Variants in HAS3 observed in about 807,000 individuals in gnomAD.
The protein encoded by HAS3 is hyaluronan synthase 3.
HAS3 carries 27 observed loss-of-function variants against 50.3 expected under a neutral mutation model. The observed-to-expected ratio is 0.54, with a 90% confidence interval of 0.40 to 0.74. HAS3 has a LOEUF of 0.74. Among genes scored for constraint, HAS3 ranks in the 30% least tolerant of loss-of-function variants. HAS3 has a pLI of 0.00. For missense variants in HAS3, 517 were observed against 742.8 expected, an observed-to-expected ratio of 0.70 and a Z score of 3.53; for synonymous variants, 339 against 310.9, an observed-to-expected ratio of 1.09 and a Z score of -0.95.
chr16:69,089,548 G>C, the HAS3 span, among the ~76,000 whole-genome samples: 1 of 152,162 alleles, frequency 6.6e-6, no homozygotes, highest in African/African-American at 2.4e-5. Flanking sequence ...TGCAGTGCGC[G>C]GCACCTCTGC....
At chr16:69,088,004 C>T in the HAS3 span, among the ~76,000 whole-genome samples, 2 of 152,120 alleles carry the variant, frequency 1.3e-5, no homozygotes, top group South Asian at 4.2e-4. Flanking sequence ...GCACCCGGCC[C>T]TTGCTTCGTT....
In HAS3 at chr16:69,114,744, C is replaced by G. The variant is rs1269441102; in HGVS notation, c.1140C>G (p.Thr380=). ...LWFHKHHLWM[T]YESVVTGFFP... ...TCCATAAGCACCACCTCTGGATGAC[C>G]TACGAGTCAGTGGTCACGGGTTTCT... The change falls in exon 4 of 4, where the codon ACC becomes ACG. Residue 380 remains threonine, a synonymous_variant. Coordinates refer to ENST00000569188, the MANE Select transcript of HAS3 (RefSeq NM_001199280.2). This position sits in a 1 kb window ranked among gnomAD's most constrained non-coding sequence, Gnocchi z 6.4. 3.1e-6 allele frequency: 5 copies of G among 1,614,032 alleles called. No individual in the cohort carries two copies. In the Admixed American group the frequency reaches 6.7e-5, roughly 22 times the overall value.
In HAS3 at chr16:69,107,268, T is replaced by TG; in HGVS notation, c.-1+1486dup. The TG allele has an allele frequency of 1.2e-6, 1 of 810,352 alleles. No individual in the cohort carries two copies. The highest frequency in any genetic ancestry group is 1.4e-6 in the Non-Finnish European group (1 of 693,216). The allele number at this position is 810,352 out of a possible 1,614,324, so 50.2% of individuals were successfully genotyped here. Reference sequence around the variant, plus strand: ...CATTTTGGGGGCCTCTATTTGGGGGTGGGGGTAGTAACCTGGGTAATGCCT... The same window carrying TG: ...CATTTTGGGGGCCTCTATTTGGGGGTGGGGGGTAGTAACCTGGGTAATGCCT... On this transcript the variant is annotated intron_variant, in intron 1 of 3. Transcript: ENST00000569188. This position sits in a 1 kb window ranked among gnomAD's most constrained non-coding sequence, Gnocchi z 5.5.
Position 69,115,552 on chromosome 16 carries a change from G to C in HAS3, c.*286G>C. 1 of 1,138,510 alleles carries C rather than the reference G, an allele frequency of 8.8e-7. No homozygotes were observed. Among genetic ancestry groups the C allele is most frequent in the Non-Finnish European group, 1.1e-6 (1 of 927,282 alleles). The allele number at this position is 1,138,510 out of a possible 1,614,324, so 70.5% of individuals were successfully genotyped here. On this transcript the variant is annotated 3_prime_UTR_variant, in exon 4 of 4. Transcript: ENST00000569188. The stretch of plus-strand genomic sequence containing the variant: ...GGCAGTAGCCTCCTCCTGGGCTCCA[G>C]AGGGCACTCAGAAGTTGTGCTAAAC...
intron 3 of HAS3, 54 bp downstream of exon 3, chr16:69,113,596 T>C: frequency 2.0e-6 from 2 of 1,024,474 alleles, no homozygotes; most frequent in African/African-American, 1.6e-5. Context: ...TTTTTCCTAA[T>C]CCAATTGGAT....
At chr16:69,100,435 G>A in the HAS3 span, among the ~76,000 whole-genome samples, 1 of 152,212 alleles carries the variant, frequency 6.6e-6, no homozygotes, top group Admixed American at 6.5e-5. Context: ...AGTGGATGGG[G>A]ATGAAACTTG....
rs1960830870 is a variant in HAS3 at position 69,107,227 on chromosome 16, G to A, written c.-1+1440G>A. 1 of 566,532 alleles carries A rather than the reference G, an allele frequency of 1.8e-6. No individual in the cohort carries two copies. Among genetic ancestry groups the A allele is most frequent in the Non-Finnish European group, 2.2e-6 (1 of 447,208 alleles). 35.1% of individuals were successfully genotyped at this position (566,532 alleles called of 1,614,324 possible). On this transcript the variant is annotated intron_variant, in intron 1 of 3. Coordinates refer to ENST00000569188, the MANE Select transcript of HAS3 (RefSeq NM_001199280.2). This position sits in a 1 kb window ranked among gnomAD's most constrained non-coding sequence, Gnocchi z 5.5. The stretch of plus-strand genomic sequence containing the variant: ...GCACCAGCGCCTGATTGCACGTGGG[G>A]TATCTGGCTGAGGGACATTTTGGGG...
At position 69,115,370 on chromosome 16, in the gene HAS3, T is replaced by G; in HGVS notation, c.*104T>G. ...GGGAGGAGGGAGTGCTGTGTTTTAG[T>G]CTCTTAATGGTCCAAAGGACAAATC... On this transcript the variant is annotated 3_prime_UTR_variant, in exon 4 of 4. Transcript: ENST00000569188. 1.4e-6 allele frequency: 2 copies of G among 1,431,094 alleles called. No individual in the cohort carries two copies. The highest frequency in any genetic ancestry group is 1.8e-6 in the Non-Finnish European group (2 of 1,097,738). 88.6% of individuals were successfully genotyped at this position (1,431,094 alleles called of 1,614,324 possible).
At chr16:69,092,243 T>G in the HAS3 span, among the ~76,000 whole-genome samples, 83 of 152,338 alleles carry the variant, frequency 5.4e-4, 1 homozygote, top group Non-Finnish European at 1.0e-4. Flanking sequence ...CCCACCGTGC[T>G]TGCTGCTACC....
chr16:69,103,541 G>T (rs372224318), upstream of HAS3, among the ~76,000 whole-genome samples: 2 of 151,846 alleles, frequency 1.3e-5, no homozygotes, highest in Non-Finnish European at 2.9e-5. Context: ...GATTACAGGC[G>T]CCTGCCACCA....
chr16:69,097,447 CAAA>C, the HAS3 span, among the ~76,000 whole-genome samples: 2 of 138,216 alleles, frequency 1.4e-5, no homozygotes, highest in African/African-American at 5.3e-5. Context: ...ACTCTTTCTC[CAAA>C]AAAAAAAAAA....
intron 2 of HAS3, among the ~76,000 whole-genome samples, chr16:69,111,951 C>A (rs1961016749): frequency 6.6e-6 from 1 of 152,250 alleles, no homozygotes; most frequent in African/African-American, 2.4e-5. Context: ...TGTCTCTTTA[C>A]AGCCCTGGGA....
Position 69,109,089 on chromosome 16 carries a change from C to T in HAS3, c.1-307C>T, listed in dbSNP as rs1008281289. On this transcript the variant is annotated intron_variant, in intron 1 of 3. Transcript: ENST00000569188. The surrounding 1 kb of genome is among the most constrained non-coding windows in gnomAD (Gnocchi z 5.3). ...TGTCACGTGACCCTCTGGGCCTTGG[C>T]TTGTCTACCCCAGTGCTACACTAAG... Among the ~76,000 whole-genome samples, 3 of 152,192 alleles carry T rather than the reference C, an allele frequency of 2.0e-5. No homozygotes were observed. Among genetic ancestry groups the T allele is most frequent in the African/African-American group, 7.2e-5 (3 of 41,450 alleles).
In HAS3 at chr16:69,114,846, G is replaced by A; in HGVS notation, c.1242G>A (p.Leu414=). The change falls in exon 4 of 4, where the codon CTG becomes CTA. Residue 414 remains leucine (L), a synonymous_variant. Transcript: ENST00000569188. The surrounding 1 kb of genome is among the most constrained non-coding windows in gnomAD (Gnocchi z 6.4). ...GRIWNILLFL[L]TVQLVGIIKA... Reference sequence around the variant, plus strand: ...TCTGGAACATTCTCCTCTTCCTGCTGACGGTGCAGCTGGTGGGCATTATCA... The same window carrying A: ...TCTGGAACATTCTCCTCTTCCTGCTAACGGTGCAGCTGGTGGGCATTATCA... 6.2e-7 allele frequency: 1 copy of A among 1,614,074 alleles called. No homozygotes were observed. The highest frequency in any genetic ancestry group is 8.5e-7 in the Non-Finnish European group (1 of 1,180,028).
At chr16:69,118,413 C>A, downstream of HAS3, 1 of 1,613,570 alleles carries the variant, frequency 6.2e-7, no homozygotes, top group Non-Finnish European at 8.5e-7. Context: ...CAGGTCAGAG[C>A]TACGGAAGCA....
chr16:69,117,429 C>A lies in HAS3; in HGVS notation c.*2163C>A. 2 of 985,806 alleles carry A rather than the reference C, an allele frequency of 2.0e-6. No individual in the cohort carries two copies. The highest frequency in any genetic ancestry group is 2.4e-6 in the Non-Finnish European group (2 of 829,892). The allele number at this position is 985,806 out of a possible 1,614,324, so 61.1% of individuals were successfully genotyped here. A position where few individuals can be genotyped will look rare whatever the true frequency, so the allele number is the denominator to read the frequency against. On this transcript the variant is annotated 3_prime_UTR_variant, in exon 4 of 4. Transcript: ENST00000569188. ...TTTGTACATTTTTCAGCAGCAAAAC[C>A]AAACTGGGTCTTCAGCTTTATCCCC...
chr16:69,116,376 C>T lies in HAS3; in HGVS notation c.*1110C>T. On this transcript the variant is annotated 3_prime_UTR_variant, in exon 4 of 4. Coordinates refer to ENST00000569188, the MANE Select transcript of HAS3 (RefSeq NM_001199280.2). Reference sequence around the variant, plus strand: ...TATGAGGAGCCTCTGATCAAATTGGCTACAATCTTGGAGCTGCTTGGACGG... The same window carrying T: ...TATGAGGAGCCTCTGATCAAATTGGTTACAATCTTGGAGCTGCTTGGACGG... The T allele has an allele frequency of 1.1e-5, 11 of 985,894 alleles. No individual in the cohort carries two copies. The highest frequency in any genetic ancestry group is 1.3e-5 in the Non-Finnish European group (11 of 829,936). 61.1% of individuals were successfully genotyped at this position (985,894 alleles called of 1,614,324 possible).
chr16:69,097,922 C>G, the HAS3 span, among the ~76,000 whole-genome samples: 1 of 152,180 alleles, frequency 6.6e-6, no homozygotes, highest in Non-Finnish European at 1.5e-5. Context: ...CTCAAAGGAA[C>G]AGTGGGAGGA....
chr16:69,102,986 T>A (rs1475669388), upstream of HAS3, among the ~76,000 whole-genome samples: 1 of 150,482 alleles, frequency 6.6e-6, no homozygotes, highest in Non-Finnish European at 1.5e-5. Flanking sequence ...ACATTATGTC[T>A]GGCCTGTGGA....
Sources: allele counts gnomAD v4.1 joint callset (sites outside exome capture counted in the v4.1 genomes callset), GRCh38; gene constraint gnomAD v4.1.1; non-coding constraint Gnocchi (gnomAD v3.1); transcripts MANE v1.5; gene names NCBI Gene and HGNC (gene_info 2026-07-23, HGNC 2026-07-21).